Variants in NPEPPS observed in about 807,000 individuals in gnomAD.
NPEPPS encodes the protein aminopeptidase puromycin sensitive, also known as puromycin-sensitive aminopeptidase.
In NPEPPS, 14 loss-of-function variants were observed where a neutral mutation model predicts 115.5. The ratio of observed to expected loss-of-function variants is 0.12; its 90% CI spans 0.08 to 0.19. The LOEUF (loss-of-function observed/expected upper bound fraction) is 0.19, where lower values mean the gene tolerates loss of function less well. NPEPPS is among the 10% of genes least tolerant of loss of function. The pLI, the probability that NPEPPS is intolerant of heterozygous loss-of-function variation, is 1.00. For missense variants in NPEPPS, 523 were observed against 1,110.8 expected (o/e 0.47, Z 7.52); for synonymous variants, 285 against 390.6 (o/e 0.73, Z 3.19).
intron 16 of NPEPPS, among the ~76,000 whole-genome samples, 181 bp from the exon 17 acceptor site, chr17:47,605,152 A>G (rs906883992): frequency 2.6e-5 from 4 of 152,238 alleles, no homozygotes; most frequent in Non-Finnish European, 5.9e-5. Context: ...AAAAAATAAC[A>G]AAGGATTAAA....
In NPEPPS at chr17:47,544,614, A is replaced by G. The variant is rs567204452; in HGVS notation, c.256-1295A>G. The stretch of plus-strand genomic sequence containing the variant: ...AGTGGCAGGATTTCAGCCCACTGCA[A>G]TCTCTGCCTCCCGGGTTTAAGCAAT... On this transcript the variant is annotated intron_variant, in intron 1 of 22. Transcript: ENST00000322157. Among the ~76,000 whole-genome samples, 745 of 150,518 alleles carry G rather than the reference A, an allele frequency of 4.9e-3. 21 individuals carry two copies. The highest frequency in any genetic ancestry group is 0.043 in the Admixed American group (652 of 15,098).
At chr17:47,573,858 A>G (rs3169831) in intron 3 of NPEPPS, among the ~76,000 whole-genome samples, 2 of 152,230 alleles carry the variant, frequency 1.3e-5, no homozygotes, top group African/African-American at 4.8e-5. Context: ...ATTTTAAACT[A>G]TGAACTATTA....
chr17:47,607,651 A>G (rs1913594363), intron 17 of NPEPPS, among the ~76,000 whole-genome samples: 1 of 152,178 alleles, frequency 6.6e-6, no homozygotes, highest in Non-Finnish European at 1.5e-5. Context: ...TATTTTAGCA[A>G]TCCAGTTGAG....
At position 47,615,073 on chromosome 17, in the gene NPEPPS, C is replaced by CTT. The variant is rs60829784; in HGVS notation, c.2295+1370_2295+1371dup. ...ATGTTGTAATAGGTTTACTTTCTTT[C>CTT]TTTTTTTTTTTTTTTTTTTTTTTGA... On this transcript the variant is annotated intron_variant, in intron 19 of 22. Transcript: ENST00000322157. Among the ~76,000 whole-genome samples, 1,163 of 122,338 alleles carry CTT rather than the reference C, an allele frequency of 9.5e-3. 39 individuals are homozygous for CTT. The highest frequency in any genetic ancestry group is 0.026 in the African/African-American group (761 of 29,648). The allele number at this position is 122,338 out of a possible 152,430, so 80.3% of individuals were successfully genotyped here.
intron 3 of NPEPPS, among the ~76,000 whole-genome samples, chr17:47,575,595 T>TA (rs1219007060): frequency 6.8e-6 from 1 of 148,126 alleles, no homozygotes; most frequent in Admixed American, 6.8e-5. Flanking sequence ...TTATTATTAT[T>TA]ATTATTATTA....
upstream of NPEPPS, among the ~76,000 whole-genome samples, chr17:47,527,026 G>A (rs549116681): frequency 4.9e-4 from 75 of 152,088 alleles, no homozygotes; most frequent in Non-Finnish European, 4.9e-4. Flanking sequence ...AGATTCTCAG[G>A]AGAGAAAAAA....
rs755208035 is a variant in NPEPPS, at chr17:47,599,669, T to G, written c.1537-7T>G. ...GTACTATTATAGCCTTTGTTTTGCT[T>G]CTTTAGGTAGAAGATGACAGATTAT... On this transcript the variant is annotated splice_polypyrimidine_tract_variant and splice_region_variant and intron_variant, in intron 13 of 22. Transcript: ENST00000322157. 2 of 1,557,266 alleles carry G rather than the reference T, an allele frequency of 1.3e-6. No individual in the cohort carries two copies. Among genetic ancestry groups the G allele is most frequent in the Non-Finnish European group, 1.7e-6 (2 of 1,149,232 alleles).
intron 16 of NPEPPS, 58 bp downstream of exon 16, chr17:47,604,107 T>C (rs1012564035): frequency 1.8e-5 from 27 of 1,534,148 alleles, no homozygotes; most frequent in Non-Finnish European, 1.9e-5. Context: ...GATTCTGTTT[T>C]TCCTGGAGTG....
At chr17:47,542,733 C>CT (rs1327523676) in intron 1 of NPEPPS, among the ~76,000 whole-genome samples, 1 of 152,056 alleles carries the variant, frequency 6.6e-6, no homozygotes, top group Non-Finnish European at 1.5e-5. Context: ...TTTAGGGCAT[C>CT]TGTGTTTTTG....
At chr17:47,578,031 CCT>C (rs936924980) in intron 3 of NPEPPS, among the ~76,000 whole-genome samples, 6 of 151,934 alleles carry the variant, frequency 3.9e-5, no homozygotes, top group Non-Finnish European at 5.9e-5. Flanking sequence ...ATGGCAAACC[CCT>C]GTCTCTACTA....
chr17:47,551,366 A>G (rs189302709), intron 2 of NPEPPS, among the ~76,000 whole-genome samples: 2 of 152,088 alleles, frequency 1.3e-5, no homozygotes, highest in African/African-American at 4.8e-5. Flanking sequence ...CTTATATATA[A>G]TAATAAATGA....
At chr17:47,533,469 G>A (rs994702559) in intron 1 of NPEPPS, among the ~76,000 whole-genome samples, 8 of 151,964 alleles carry the variant, frequency 5.3e-5, no homozygotes, top group African/African-American at 1.9e-4. Flanking sequence ...AGAGAACCTA[G>A]TGATGAATGA....
intron 21 of NPEPPS, 102 bp from the exon 22 acceptor site, chr17:47,619,635 G>A: frequency 1.1e-6 from 1 of 929,924 alleles, no homozygotes; most frequent in Admixed American, 1.8e-5. Context: ...CTTTATAACA[G>A]ACTGAAGTTG....
At chr17:47,572,960 G>C (rs1911289484) in intron 3 of NPEPPS, among the ~76,000 whole-genome samples, 1 of 152,138 alleles carries the variant, frequency 6.6e-6, no homozygotes, top group Non-Finnish European at 1.5e-5. Context: ...ATTTTTAGTA[G>C]AGTTGGGGTT....
chr17:47,575,906 C>T (rs1413350263), intron 3 of NPEPPS, among the ~76,000 whole-genome samples: 1 of 152,112 alleles, frequency 6.6e-6, no homozygotes, highest in African/African-American at 2.4e-5. Context: ...CCACGCCCCA[C>T]CGACAATATT....
rs536347221 is a variant in NPEPPS, at chr17:47,556,560, A to G, written c.340+10567A>G. ...CCCTTTTCCATTCGACAAAACCGCCATCGTCATCATGGCCCGCTCTCAATG... is the reference window on the plus strand; with the variant it reads ...CCCTTTTCCATTCGACAAAACCGCCGTCGTCATCATGGCCCGCTCTCAATG... On this transcript the variant is annotated intron_variant, in intron 2 of 22. Coordinates refer to ENST00000322157, the MANE Select transcript of NPEPPS (RefSeq NM_006310.4). 3.2e-4 allele frequency among the ~76,000 whole-genome samples: 48 copies of G among 152,222 alleles called. 1 individual carries two copies. In the East Asian group the frequency reaches 7.7e-3, roughly 24 times the overall value.
intron 1 of NPEPPS, among the ~76,000 whole-genome samples, chr17:47,535,129 G>C (rs1908112128): frequency 6.7e-6 from 1 of 148,918 alleles, no homozygotes; most frequent in Non-Finnish European, 1.5e-5. Flanking sequence ...TGTAGTCCCA[G>C]CTGCTCAGGA....
chr17:47,540,119 G>A (rs930588763), intron 1 of NPEPPS, among the ~76,000 whole-genome samples: 1 of 152,080 alleles, frequency 6.6e-6, no homozygotes. Context: ...CCATTGTAAA[G>A]TTGTTACCAG....
At chr17:47,589,700 G>A (rs1307740300) in intron 9 of NPEPPS, among the ~76,000 whole-genome samples, 6 of 151,992 alleles carry the variant, frequency 3.9e-5, no homozygotes, top group African/African-American at 7.2e-5. Flanking sequence ...TATTTAACAG[G>A]TGATAATTTT....
Sources: allele counts gnomAD v4.1 joint callset (sites outside exome capture counted in the v4.1 genomes callset), GRCh38; gene constraint gnomAD v4.1.1; transcripts MANE v1.5; gene names NCBI Gene and HGNC (gene_info 2026-07-23, HGNC 2026-07-21).